KCNK2: variants seen among roughly 807,000 people sequenced by gnomAD.
The protein encoded by KCNK2 is potassium channel subfamily K member 2.
KCNK2 carries 21 observed loss-of-function variants against 40.5 expected under a neutral mutation model. That is an observed-to-expected ratio of 0.52 (90% CI 0.37 to 0.75). KCNK2 has a LOEUF of 0.75. KCNK2 is among the 30% of genes least tolerant of loss of function. The pLI is 0.00. For missense variants in KCNK2, 399 were observed against 531.6 expected (o/e 0.75, Z 2.45); for synonymous variants, 191 against 202.2 (o/e 0.94, Z 0.47).
intron 3 of KCNK2, among the ~76,000 whole-genome samples, chr1:215,129,274 T>G (rs1216301026): frequency 1.3e-5 from 2 of 152,178 alleles, no homozygotes; most frequent in Non-Finnish European, 2.9e-5. Context: ...TATGTTGTAT[T>G]ATTTTAGGAA....
intron 2 of KCNK2, among the ~76,000 whole-genome samples, chr1:215,093,010 C>T (rs1477307173): frequency 6.6e-6 from 1 of 152,098 alleles, no homozygotes; most frequent in Non-Finnish European, 1.5e-5. Flanking sequence ...AAGTAGGAAG[C>T]TGCAAATATG....
At chr1:215,095,675 TTTACCCA>T (rs1436900121) in intron 2 of KCNK2, among the ~76,000 whole-genome samples, 1 of 152,026 alleles carries the variant, frequency 6.6e-6, no homozygotes, top group African/African-American at 2.4e-5. Flanking sequence ...AGGCTCCTGT[TTTACCCA>T]ACCCTACAAA....
At chr1:215,010,742 C>T (rs1256188422) in intron 1 of KCNK2, among the ~76,000 whole-genome samples, 2 of 151,906 alleles carry the variant, frequency 1.3e-5, no homozygotes, top group Non-Finnish European at 2.9e-5. Context: ...GTAGTGTGAG[C>T]CTGAGTTCTC....
intron 6 of KCNK2, among the ~76,000 whole-genome samples, chr1:215,231,792 C>T (rs1666678330): frequency 6.6e-6 from 1 of 152,198 alleles, no homozygotes. Context: ...CACAGTTCCA[C>T]ATGGCTGGAG....
intron 1 of KCNK2, among the ~76,000 whole-genome samples, chr1:215,018,054 C>T (rs1016751397): frequency 5.9e-5 from 9 of 151,990 alleles, no homozygotes; most frequent in African/African-American, 1.9e-4. Flanking sequence ...ATATAAATTG[C>T]ATATGCACAA....
chr1:215,083,459 C>T (rs752718371), intron 1 of KCNK2, 28 bp downstream of exon 1: 5 of 1,534,770 alleles, frequency 3.3e-6, no homozygotes, highest in Non-Finnish European at 3.6e-6. Context: ...GTACCCCCAC[C>T]CCTCTGGCCG....
chr1:215,056,708 A>T (rs1658183202), intron 1 of KCNK2, among the ~76,000 whole-genome samples: 1 of 140,760 alleles, frequency 7.1e-6, no homozygotes, highest in South Asian at 2.2e-4. Flanking sequence ...CTCCTGCCTC[A>T]GCCTCCTGAA....
intron 6 of KCNK2, 32 bp from the exon 7 acceptor site, chr1:215,234,796 A>C: frequency 7.1e-6 from 11 of 1,559,096 alleles, no homozygotes; most frequent in Non-Finnish European, 8.8e-6. Context: ...GCATGTCAAT[A>C]TCTTTATCTT....
rs1042879613 is a variant in KCNK2 at position 215,230,476 on chromosome 1, T to C, written c.964-4352T>C. Among the ~76,000 whole-genome samples, 46 of 125,838 alleles carry C rather than the reference T, an allele frequency of 3.7e-4. No homozygotes were observed. In the East Asian group the frequency reaches 7.6e-3, roughly 21 times the overall value. 82.6% of individuals were successfully genotyped at this position (125,838 alleles called of 152,430 possible). A position where few individuals can be genotyped will look rare whatever the true frequency, so the allele number is the denominator to read the frequency against. ...TGTAGCTCATGGCTGTAGATATATA[T>C]ATACACACACACACACACACACACA... On this transcript the variant is annotated intron_variant, in intron 6 of 6. Transcript: ENST00000444842.
intron 1 of KCNK2, 182 bp downstream of exon 1, chr1:215,083,613 C>A (rs964329775): frequency 1.6e-6 from 1 of 612,916 alleles, no homozygotes. Flanking sequence ...CCTCTCCACG[C>A]CGCTTCTCCC....
intron 6 of KCNK2, among the ~76,000 whole-genome samples, chr1:215,210,224 C>G (rs1201038024): frequency 6.7e-6 from 1 of 150,168 alleles, no homozygotes; most frequent in Non-Finnish European, 1.5e-5. Context: ...CATCTTAGCT[C>G]TCATTTGTGT....
chr1:215,166,642 T>A (rs1203561577), intron 3 of KCNK2, among the ~76,000 whole-genome samples: 1 of 152,060 alleles, frequency 6.6e-6, no homozygotes, highest in Non-Finnish European at 1.5e-5. Context: ...CACTCCTACA[T>A]GAAAGTCCAG....
chr1:215,147,284 C>T (rs779990483), intron 3 of KCNK2, among the ~76,000 whole-genome samples: 3 of 152,134 alleles, frequency 2.0e-5, no homozygotes, highest in Non-Finnish European at 4.4e-5. Context: ...CCTCCCTTTC[C>T]AGAAGAAAAT....
At position 215,235,372 on chromosome 1, in the gene KCNK2, C is replaced by A. The variant is rs1666840684; in HGVS notation, c.*227C>A. Reference sequence around the variant, plus strand: ...CCACTTTCTTTGATGAGTGGAATGACAAGCAATGTCTGATGCCTTTTTGTG... The same window carrying A: ...CCACTTTCTTTGATGAGTGGAATGAAAAGCAATGTCTGATGCCTTTTTGTG... On this transcript the variant is annotated 3_prime_UTR_variant, in exon 7 of 7. Coordinates refer to ENST00000444842, the MANE Select transcript of KCNK2 (RefSeq NM_001017425.3). 4.2e-6 allele frequency: 2 copies of A among 472,738 alleles called. No homozygotes were observed. The highest frequency in any genetic ancestry group is 3.8e-5 in the African/African-American group (2 of 51,998). The allele number at this position is 472,738 out of a possible 1,614,324, so 29.3% of individuals were successfully genotyped here. A position where few individuals can be genotyped will look rare whatever the true frequency, so the allele number is the denominator to read the frequency against.
At chr1:215,161,086 T>G (rs1420237555) in intron 3 of KCNK2, among the ~76,000 whole-genome samples, 1 of 152,184 alleles carries the variant, frequency 6.6e-6, no homozygotes, top group Non-Finnish European at 1.5e-5. Flanking sequence ...TATAAACATC[T>G]TCCTCTTTAT....
chr1:215,009,129 T>C (rs1656288149), intron 1 of KCNK2, among the ~76,000 whole-genome samples: 1 of 152,266 alleles, frequency 6.6e-6, no homozygotes, highest in East Asian at 1.9e-4. Context: ...ACTGTTCATC[T>C]TTAAAATGTA....
upstream of KCNK2, chr1:215,005,833 C>T: frequency 3.4e-6 from 4 of 1,193,362 alleles, no homozygotes; most frequent in Non-Finnish European, 5.0e-6. Flanking sequence ...ACAAGTGACT[C>T]TGTTTTGGAA....
At chr1:215,171,634 G>T (rs1268097463) in intron 4 of KCNK2, among the ~76,000 whole-genome samples, 1 of 152,114 alleles carries the variant, frequency 6.6e-6, no homozygotes, top group Non-Finnish European at 1.5e-5. Flanking sequence ...TATTTCAGAA[G>T]TACTCTAGGT....
At chr1:215,097,146 T>A (rs1436151199) in intron 2 of KCNK2, among the ~76,000 whole-genome samples, 1 of 151,996 alleles carries the variant, frequency 6.6e-6, no homozygotes, top group African/African-American at 2.4e-5. Flanking sequence ...TTCTCTTAGC[T>A]GGTGGATAAT....
Sources: allele counts gnomAD v4.1 joint callset (sites outside exome capture counted in the v4.1 genomes callset), GRCh38; gene constraint gnomAD v4.1.1; transcripts MANE v1.5; gene names NCBI Gene and HGNC (gene_info 2026-07-23, HGNC 2026-07-21).